MAF: variants seen among roughly 807,000 people sequenced by gnomAD.
MAF encodes the protein transcription factor Maf.
Under a neutral mutation model 22.0 loss-of-function variants are expected in MAF, and 10 were observed. The observed-to-expected ratio is 0.45, with a 90% CI of 0.28 to 0.77. The LOEUF is 0.77. MAF is among the 30% of genes least tolerant of loss of function. The pLI, the probability that MAF is intolerant of heterozygous loss-of-function variation, is 0.12. For missense variants in MAF, 544 were observed against 548.4 expected (o/e 0.99, Z 0.08); for synonymous variants, 337 against 255.8 (o/e 1.32, Z -3.03).
chr16:79,501,721 G>A, the MAF span, among the ~76,000 whole-genome samples: 6 of 152,082 alleles, frequency 3.9e-5, no homozygotes, highest in African/African-American at 1.2e-4. Flanking sequence ...GATTTACACG[G>A]CATTCTTCCC....
chr16:79,335,810 T>C, the MAF span, among the ~76,000 whole-genome samples: 2 of 152,198 alleles, frequency 1.3e-5, no homozygotes, highest in Non-Finnish European at 2.9e-5. Flanking sequence ...TTCTTCTCTC[T>C]CTTAAGTTTT....
the MAF span, among the ~76,000 whole-genome samples, chr16:79,435,418 C>T: frequency 6.6e-6 from 1 of 152,232 alleles, no homozygotes; most frequent in African/African-American, 2.4e-5. Flanking sequence ...CAGGTACCTT[C>T]TGTGGTCAAA....
Position 79,599,972 on chromosome 16 carries a change from G to T in MAF, c.-70C>A. Reference sequence around the variant, plus strand: ...GCTGCAGGAGAGGGGCCAGCGGGCTGTGCTGGGTGGCCAGCGGGTGAGCCA... The same window carrying T: ...GCTGCAGGAGAGGGGCCAGCGGGCTTTGCTGGGTGGCCAGCGGGTGAGCCA... On this transcript the variant is annotated 5_prime_UTR_variant, in exon 1 of 2. Coordinates refer to ENST00000326043, the MANE Select transcript of MAF (RefSeq NM_005360.5). 6.3e-7 allele frequency: 1 copy of T among 1,590,208 alleles called. No homozygotes were observed. Among genetic ancestry groups the T allele is most frequent in the Non-Finnish European group, 8.5e-7 (1 of 1,174,540 alleles).
chr16:79,515,749 A>G, the MAF span, among the ~76,000 whole-genome samples: 1 of 152,136 alleles, frequency 6.6e-6, no homozygotes, highest in East Asian at 1.9e-4. Flanking sequence ...GACCAGGAAG[A>G]GATGTGAGTG....
the MAF span, among the ~76,000 whole-genome samples, chr16:79,338,269 G>A: frequency 6.6e-6 from 1 of 152,198 alleles, no homozygotes; most frequent in African/African-American, 2.4e-5. Flanking sequence ...TCTGAGTGAA[G>A]GTCAGGGAGG....
At chr16:79,557,282 G>A in the MAF span, among the ~76,000 whole-genome samples, 2 of 152,080 alleles carry the variant, frequency 1.3e-5, no homozygotes, top group Admixed American at 1.3e-4. Flanking sequence ...TGTTTTTGGA[G>A]GAGAAAATTA....
the MAF span, among the ~76,000 whole-genome samples, chr16:79,321,905 C>G: frequency 1.3e-5 from 2 of 151,916 alleles, no homozygotes; most frequent in South Asian, 4.2e-4. Context: ...AGACTTGGTC[C>G]TGGGTGACCA....
chr16:79,516,011 G>C, the MAF span: 1 of 144,846 alleles, frequency 6.9e-6, no homozygotes, highest in Non-Finnish European at 1.5e-5. Flanking sequence ...GAGGACCAGA[G>C]AGATGAAGCT....
chr16:79,556,506 A>G, the MAF span, among the ~76,000 whole-genome samples: 1 of 152,224 alleles, frequency 6.6e-6, no homozygotes, highest in African/African-American at 2.4e-5. Context: ...GGAGACTGTA[A>G]GCTGAGACAT....
the MAF span, among the ~76,000 whole-genome samples, chr16:79,430,574 G>A: frequency 2.6e-5 from 4 of 152,226 alleles, no homozygotes; most frequent in Non-Finnish European, 5.9e-5. Context: ...GCACACGGCA[G>A]GCACAGAGCA....
At chr16:79,208,987 G>A in the MAF span, among the ~76,000 whole-genome samples, 1 of 152,186 alleles carries the variant, frequency 6.6e-6, no homozygotes, top group Non-Finnish European at 1.5e-5. Flanking sequence ...AAAGGTGGAC[G>A]ATTGATTTTT....
the MAF span, among the ~76,000 whole-genome samples, chr16:79,369,737 G>C: frequency 6.6e-6 from 1 of 152,154 alleles, no homozygotes; most frequent in Non-Finnish European, 1.5e-5. Flanking sequence ...ACAAATCTCA[G>C]CCACTGCTAA....
the MAF span, among the ~76,000 whole-genome samples, chr16:79,342,076 C>T: frequency 2.8e-4 from 43 of 152,170 alleles, no homozygotes; most frequent in Non-Finnish European, 5.6e-4. Flanking sequence ...TTCAAAACAC[C>T]GTGAGAAAAC....
the MAF span, among the ~76,000 whole-genome samples, chr16:79,391,884 G>GAGGAGA: frequency 2.6e-5 from 3 of 115,094 alleles, no homozygotes; most frequent in Non-Finnish European, 6.5e-5. Flanking sequence ...GGAGGAGGAG[G>GAGGAGA]AGGAGGAGGA....
At chr16:79,484,205 C>A in the MAF span, among the ~76,000 whole-genome samples, 2 of 152,208 alleles carry the variant, frequency 1.3e-5, no homozygotes, top group South Asian at 2.1e-4. Context: ...ACATCAGAAC[C>A]AAGGCAACCG....
chr16:79,420,929 G>C, the MAF span, among the ~76,000 whole-genome samples: 49,783 of 151,804 alleles, frequency 0.33, 9,126 homozygotes, highest in East Asian at 0.71. Context: ...AGCTACTTGG[G>C]AGGCTGAGAC....
chr16:79,284,396 T>C, the MAF span, among the ~76,000 whole-genome samples: 1 of 152,206 alleles, frequency 6.6e-6, no homozygotes, highest in Non-Finnish European at 1.5e-5. Context: ...AGGGTTCCAC[T>C]GGGTAATTAC....
the MAF span, among the ~76,000 whole-genome samples, chr16:79,345,422 T>C: frequency 1.3e-5 from 2 of 152,152 alleles, no homozygotes; most frequent in African/African-American, 4.8e-5. Flanking sequence ...TTCTAAAAAC[T>C]GGAAAAGACA....
the MAF span, among the ~76,000 whole-genome samples, chr16:79,235,972 C>A: frequency 6.6e-6 from 1 of 152,032 alleles, no homozygotes; most frequent in Non-Finnish European, 1.5e-5. Context: ...TAAAATTGTT[C>A]TCTGCCACCG....
Sources: allele counts gnomAD v4.1 joint callset (sites outside exome capture counted in the v4.1 genomes callset), GRCh38; gene constraint gnomAD v4.1.1; transcripts MANE v1.5; gene names NCBI Gene and HGNC (gene_info 2026-07-23, HGNC 2026-07-21).